The following RHD variants were observed in gnomAD, a reference collection of about 807,000 sequenced individuals.
The protein encoded by RHD is Rh blood group D antigen.
RHD carries 16 observed loss-of-function variants against 45.5 expected under a neutral mutation model. The observed-to-expected ratio is 0.35, with a 90% confidence interval of 0.24 to 0.53. RHD has a LOEUF of 0.53. RHD is among the 20% of genes least tolerant of loss of function. The pLI is 0.92. For synonymous variants in RHD, 131 were observed against 217.5 expected, an observed-to-expected ratio of 0.60 and a Z score of 3.50; for missense variants, 306 against 532.0, an observed-to-expected ratio of 0.58 and a Z score of 4.18.
rs181840052 is a variant in RHD at position 25,291,519 on chromosome 1, T to C, written c.486+728T>C. On this transcript the variant is annotated intron_variant, in intron 3 of 9. Coordinates refer to ENST00000328664, the MANE Select transcript of RHD (RefSeq NM_016124.6). ...AAGAAAAGATTGATAGATAGATAGA[T>C]ATCCAAATGAGTTTACAAAAATGTG... 2.4e-4 allele frequency among the ~76,000 whole-genome samples: 31 copies of C among 131,850 alleles called. No homozygotes were observed. The East Asian group carries it at 5.5e-3, about 23-fold the overall frequency. The allele number at this position is 131,850 out of a possible 152,430, so 86.5% of individuals were successfully genotyped here. A position where few individuals can be genotyped will look rare whatever the true frequency, so the allele number is the denominator to read the frequency against.
At chr1:25,277,908 A>T (rs1641154007) in intron 1 of RHD, among the ~76,000 whole-genome samples, 1 of 133,090 alleles carries the variant, frequency 7.5e-6, no homozygotes, top group Non-Finnish European at 1.8e-5. Context: ...TCCCAACCTC[A>T]GGTGATGCAC....
intron 3 of RHD, among the ~76,000 whole-genome samples, chr1:25,292,217 A>T (rs189402891): frequency 7.5e-6 from 1 of 132,726 alleles, no homozygotes; most frequent in East Asian, 1.9e-4. Context: ...AGTGTCCCAA[A>T]GGACTTTGGA....
intron 7 of RHD, among the ~76,000 whole-genome samples, chr1:25,313,011 TG>T (rs1644251961): frequency 8.8e-6 from 1 of 113,770 alleles, no homozygotes; most frequent in South Asian, 3.0e-4. Flanking sequence ...TTTTGGGGGC[TG>T]GGGCAGGATG....
rs1362519472 is a variant in RHD at position 25,315,893 on chromosome 1, T to A, written c.1074-1107T>A. On this transcript the variant is annotated intron_variant, in intron 7 of 9. Coordinates refer to ENST00000328664, the MANE Select transcript of RHD (RefSeq NM_016124.6). ...GACTGTCATTATTTCTCCCACTTTA[T>A]AATGAACAATCAGTAAAGACAGGGA... 1.1e-4 allele frequency among the ~76,000 whole-genome samples: 14 copies of A among 131,764 alleles called. 6 individuals are homozygous for A. The highest frequency in any genetic ancestry group is 2.1e-4 in the Non-Finnish European group (12 of 55,852). The allele number at this position is 131,764 out of a possible 152,430, so 86.4% of individuals were successfully genotyped here.
At position 25,306,619 on chromosome 1, in the gene RHD, G is replaced by A. The variant is rs1222433796; in HGVS notation, c.963G>A (p.Gly321=). ...AGGGGTGTTGTAACCGAGTGCTGGG[G>A]ATTCCCCACAGCTCCATCATGGGCT... The part of the protein sequence containing the change: ...YLPGCCNRVL[G]IPHSSIMGYN... The change falls in exon 7 of 10, where the codon GGG becomes GGA. Residue 321 remains glycine (G), a synonymous_variant. Transcript: ENST00000328664. 7 of 1,378,316 alleles carry A rather than the reference G, an allele frequency of 5.1e-6. 1 individual carries two copies. The highest frequency in any genetic ancestry group is 1.8e-4 in the Middle Eastern group (1 of 5,524). The allele number at this position is 1,378,316 out of a possible 1,614,324, so 85.4% of individuals were successfully genotyped here. A position where few individuals can be genotyped will look rare whatever the true frequency, so the allele number is the denominator to read the frequency against.
chr1:25,321,289 G>A lies in RHD; in HGVS notation c.1154-600G>A, dbSNP rs1478184818. On this transcript the variant is annotated intron_variant, in intron 8 of 9. Coordinates refer to ENST00000328664, the MANE Select transcript of RHD (RefSeq NM_016124.6). ...GCCCTTTTACTCCATCTGGGGAAGG[G>A]CGTCAGATCTGTGGCTCTCATGTAC... is the stretch of plus-strand genomic sequence containing the variant. Among the ~76,000 whole-genome samples the A allele has an allele frequency of 3.2e-5, 4 of 123,102 alleles. 1 individual carries two copies. The highest frequency in any genetic ancestry group is 7.6e-5 in the Non-Finnish European group (4 of 52,314). The allele number at this position is 123,102 out of a possible 152,430, so 80.8% of individuals were successfully genotyped here. A position where few individuals can be genotyped will look rare whatever the true frequency, so the allele number is the denominator to read the frequency against.
chr1:25,289,353 C>T lies in RHD; in HGVS notation c.336-1288C>T, dbSNP rs557655853. The stretch of plus-strand genomic sequence containing the variant: ...GGGATTACAAGCATGCACCACCATG[C>T]CCGGGTAATTTTTGTATTTTTAGTT... On this transcript the variant is annotated intron_variant, in intron 2 of 9. Coordinates refer to ENST00000328664, the MANE Select transcript of RHD (RefSeq NM_016124.6). Among the ~76,000 whole-genome samples, 31 of 126,894 alleles carry T rather than the reference C, an allele frequency of 2.4e-4. 2 individuals are homozygous for T. The highest frequency in any genetic ancestry group is 7.7e-4 in the African/African-American group (29 of 37,598). The allele number at this position is 126,894 out of a possible 152,430, so 83.2% of individuals were successfully genotyped here. A position where few individuals can be genotyped will look rare whatever the true frequency, so the allele number is the denominator to read the frequency against.
At chr1:25,275,548 C>T (rs1640891981) in intron 1 of RHD, among the ~76,000 whole-genome samples, 1 of 131,338 alleles carries the variant, frequency 7.6e-6, no homozygotes, top group South Asian at 2.3e-4. Flanking sequence ...GGTGTACACA[C>T]GATTTTTTGA....
intron 8 of RHD, among the ~76,000 whole-genome samples, chr1:25,319,545 G>C (rs1395020173): frequency 1.5e-5 from 2 of 132,092 alleles, no homozygotes; most frequent in Non-Finnish European, 3.6e-5. Flanking sequence ...GGAGGCAGAA[G>C]TTGCAGTGAG....
rs41307826 is a variant in RHD, at chr1:25,306,704, G to C, written c.1048G>C (p.Asp350His). ...CATCTACATTGTGCTGCTGGTGCTT[G>C]ATACCGTCGGAGCCGGCAATGGCAT... ...EIIYIVLLVL[D>H]TVGAGNGMIG... The change falls in exon 7 of 10, where the codon GAT becomes CAT. Residue 350 changes from aspartate (D) to histidine (H), a missense_variant. Transcript: ENST00000328664. The C allele has an allele frequency of 9.0e-4, 1,243 of 1,378,210 alleles. 216 individuals are homozygous for C. In the African/African-American group the frequency reaches 0.014, roughly 16 times the overall value. The allele number at this position is 1,378,210 out of a possible 1,614,324, so 85.4% of individuals were successfully genotyped here.
At chr1:25,277,611 C>T (rs1198649296) in intron 1 of RHD, among the ~76,000 whole-genome samples, 1 of 129,920 alleles carries the variant, frequency 7.7e-6, no homozygotes, top group African/African-American at 2.6e-5. Context: ...GATGATAGTA[C>T]TTGTTTCATT....
chr1:25,276,908 T>C (rs1641051266), intron 1 of RHD, among the ~76,000 whole-genome samples: 1 of 128,532 alleles, frequency 7.8e-6, no homozygotes, highest in Admixed American at 7.5e-5. Context: ...CTACCAAAAA[T>C]ACAAAAAAAT....
At position 25,285,192 on chromosome 1, in the gene RHD, T is replaced by C. The variant is rs1641865121; in HGVS notation, c.335+433T>C. On this transcript the variant is annotated intron_variant, in intron 2 of 9. Transcript: ENST00000328664. ...TTTTGTTGCCCAGGCTGGAGTGCAA[T>C]GGCGCTATCTCGGCACACCACAACC... Among the ~76,000 whole-genome samples the C allele has an allele frequency of 1.5e-5, 2 of 131,264 alleles. 1 individual carries two copies. Among genetic ancestry groups the C allele is most frequent in the African/African-American group, 5.4e-5 (2 of 37,200 alleles). 86.1% of individuals were successfully genotyped at this position (131,264 alleles called of 152,430 possible).
chr1:25,312,920 TAAAAAAAAAAAAAAAAAAAAAAA>T lies in RHD; in HGVS notation c.1074-4067_1074-4045del, dbSNP rs58027687. Among the ~76,000 whole-genome samples, 4 of 6,850 alleles carry T rather than the reference TAAAAAAAAAAAAAAAAAAAAAAA, an allele frequency of 5.8e-4. 1 individual carries two copies. The highest frequency in any genetic ancestry group is 4.4e-3 in the East Asian group (1 of 228). The allele number at this position is 6,850 out of a possible 152,430, so 4.5% of individuals were successfully genotyped here. A position where few individuals can be genotyped will look rare whatever the true frequency, so the allele number is the denominator to read the frequency against. On this transcript the variant is annotated intron_variant, in intron 7 of 9. Transcript: ENST00000328664. ...GGATGATAGAGCAAAATCCCATCTC[TAAAAAAAAAAAAAAAAAAAAAAA>T]AAAAAAAAAAAACTTTAGTGCTATT...
At chr1:25,300,916 A>C (rs778642544) in intron 3 of RHD, 30 bp from the exon 4 acceptor site, 3 of 1,374,494 alleles carry the variant, frequency 2.2e-6, no homozygotes, top group African/African-American at 2.8e-5. Context: ...GGATGCCGAC[A>C]CTCACTGCTC....
chr1:25,313,112 G>C (rs1475203088), intron 7 of RHD, among the ~76,000 whole-genome samples: 1 of 126,492 alleles, frequency 7.9e-6, no homozygotes, highest in Non-Finnish European at 1.9e-5. Flanking sequence ...GAAGCCTTTG[G>C]GAGGTAACTA....
chr1:25,314,662 T>G lies in RHD; in HGVS notation c.1074-2338T>G, dbSNP rs142410354. Reference sequence around the variant, plus strand: ...GCGCATGCCACCATGCCCAGCTAACTTCTGTATAGACAAAATAATTTTTGG... The same window carrying G: ...GCGCATGCCACCATGCCCAGCTAACGTCTGTATAGACAAAATAATTTTTGG... On this transcript the variant is annotated intron_variant, in intron 7 of 9. Coordinates refer to ENST00000328664, the MANE Select transcript of RHD (RefSeq NM_016124.6). Among the ~76,000 whole-genome samples the G allele has an allele frequency of 1.5e-5, 2 of 131,198 alleles. 1 individual carries two copies. Among genetic ancestry groups the G allele is most frequent in the Non-Finnish European group, 3.6e-5 (2 of 55,294 alleles). The allele number at this position is 131,198 out of a possible 152,430, so 86.1% of individuals were successfully genotyped here.
rs546926765 is a variant in RHD at position 25,328,949 on chromosome 1, G to C, written c.*25G>C. 1.1e-4 allele frequency: 148 copies of C among 1,318,486 alleles called. 13 individuals carry two copies. The African/African-American group carries it at 1.9e-3, about 17-fold the overall frequency. 81.7% of individuals were successfully genotyped at this position (1,318,486 alleles called of 1,614,324 possible). A position where few individuals can be genotyped will look rare whatever the true frequency, so the allele number is the denominator to read the frequency against. Reference sequence around the variant, plus strand: ...AGCAAAAGCATCCAAGAAAAACAAGGCCTGTTCAAAAACAAGACAACTTCC... The same window carrying C: ...AGCAAAAGCATCCAAGAAAAACAAGCCCTGTTCAAAAACAAGACAACTTCC... On this transcript the variant is annotated 3_prime_UTR_variant, in exon 10 of 10. Coordinates refer to ENST00000328664, the MANE Select transcript of RHD (RefSeq NM_016124.6).
intron 1 of RHD, among the ~76,000 whole-genome samples, chr1:25,273,441 G>T (rs1327781197): frequency 2.0e-5 from 2 of 97,960 alleles, no homozygotes; most frequent in East Asian, 4.3e-4. Context: ...ACTGTGCCCA[G>T]CTCTCTTGCT....
Sources: allele counts gnomAD v4.1 joint callset (sites outside exome capture counted in the v4.1 genomes callset), GRCh38; gene constraint gnomAD v4.1.1; transcripts MANE v1.5; gene names NCBI Gene and HGNC (gene_info 2026-07-23, HGNC 2026-07-21).